Variants in DCC observed in about 807,000 individuals in gnomAD.
DCC encodes the protein DCC netrin 1 receptor, also known as netrin receptor DCC.
Under a neutral mutation model 172.5 loss-of-function variants are expected in DCC, and 58 were observed. The observed-to-expected ratio is 0.34, with a 90% CI of 0.27 to 0.42. DCC has a LOEUF of 0.42. DCC is among the 10% of genes least tolerant of loss of function. The pLI is 1.00. For missense variants in DCC, 1,740 were observed against 1,791.0 expected (o/e 0.97, Z 0.51); for synonymous variants, 709 against 644.5 (o/e 1.10, Z -1.52).
chr18:53,187,596 C>T (rs879382508), intron 9 of DCC, among the ~76,000 whole-genome samples: 9 of 151,966 alleles, frequency 5.9e-5, no homozygotes, highest in Non-Finnish European at 1.2e-4. Flanking sequence ...AGTAAAACTC[C>T]CTTTTAAATT....
At chr18:53,446,799 A>G (rs11661305) in intron 22 of DCC, among the ~76,000 whole-genome samples, 67,518 of 151,936 alleles carry the variant, frequency 0.44, 16,793 homozygotes, top group Non-Finnish European at 0.58. Flanking sequence ...CCCATACTAT[A>G]AGAAAGTGCC....
chr18:52,349,870 C>T (rs913256623), intron 1 of DCC, among the ~76,000 whole-genome samples: 14 of 152,134 alleles, frequency 9.2e-5, no homozygotes, highest in African/African-American at 2.7e-4. Flanking sequence ...CTTTAACTCC[C>T]TCTAGTTTGT....
chr18:53,477,051 C>G (rs1261705970), intron 25 of DCC, among the ~76,000 whole-genome samples: 3 of 152,066 alleles, frequency 2.0e-5, no homozygotes, highest in Non-Finnish European at 4.4e-5. Flanking sequence ...ACTCTGTTGC[C>G]CAGCTGCAGT....
chr18:52,918,977 T>C (rs554839189), intron 3 of DCC, among the ~76,000 whole-genome samples: 14 of 152,220 alleles, frequency 9.2e-5, no homozygotes, highest in Non-Finnish European at 1.8e-4. Context: ...TTCTATAGTT[T>C]ATATGAACAG....
intron 3 of DCC, among the ~76,000 whole-genome samples, chr18:52,922,327 T>C (rs1211335530): frequency 6.6e-6 from 1 of 152,154 alleles, no homozygotes; most frequent in Non-Finnish European, 1.5e-5. Context: ...TCCTTTTTAT[T>C]ACACTGTGAT....
intron 26 of DCC, among the ~76,000 whole-genome samples, chr18:53,490,424 T>G (rs1208010641): frequency 2.6e-5 from 4 of 152,208 alleles, no homozygotes; most frequent in Non-Finnish European, 5.9e-5. Flanking sequence ...TTTTATAATA[T>G]TTTCCCAGTT....
chr18:53,094,937 ATCTAC>A (rs1213122881), intron 7 of DCC, among the ~76,000 whole-genome samples: 9 of 152,294 alleles, frequency 5.9e-5, no homozygotes, highest in African/African-American at 2.2e-4. Context: ...AATTTAGATA[ATCTAC>A]TCTAGAACTC....
Position 52,712,376 on chromosome 18 carries a change from G to A in DCC, c.92-39678G>A, listed in dbSNP as rs77592611. Among the ~76,000 whole-genome samples the A allele has an allele frequency of 2.7e-3, 414 of 152,122 alleles. 1 individual carries two copies. The highest frequency in any genetic ancestry group is 4.6e-3 in the Admixed American group (71 of 15,278). Reference sequence around the variant, plus strand: ...TATTATTTGACTTTTACTTGTAATCGTTAGCAACCATTTGTAAAATACCTA... The same window carrying A: ...TATTATTTGACTTTTACTTGTAATCATTAGCAACCATTTGTAAAATACCTA... On this transcript the variant is annotated intron_variant, in intron 1 of 28. Transcript: ENST00000442544.
rs558507301 is a variant in DCC, at chr18:53,230,988, G to T, written c.1911+15391G>T. 5.4e-5 allele frequency among the ~76,000 whole-genome samples: 7 copies of T among 128,550 alleles called. No homozygotes were observed. The East Asian group carries it at 1.4e-3, about 25-fold the overall frequency. 84.3% of individuals were successfully genotyped at this position (128,550 alleles called of 152,430 possible). A position where few individuals can be genotyped will look rare whatever the true frequency, so the allele number is the denominator to read the frequency against. The stretch of plus-strand genomic sequence containing the variant: ...CCTATTATTTTCTTTAATAAAATTG[G>T]TGTTTTTTTTTCTGAGACTATTTTC... On this transcript the variant is annotated intron_variant, in intron 12 of 28. Transcript: ENST00000442544.
chr18:53,215,179 A>G (rs939810089), intron 11 of DCC, among the ~76,000 whole-genome samples: 2 of 152,142 alleles, frequency 1.3e-5, no homozygotes, highest in Non-Finnish European at 2.9e-5. Context: ...AATGCGCAAT[A>G]TCTTAAGCCT....
intron 12 of DCC, among the ~76,000 whole-genome samples, chr18:53,266,054 G>A: frequency 6.6e-6 from 1 of 152,142 alleles, no homozygotes; most frequent in East Asian, 1.9e-4. Context: ...GCCCTTTCCT[G>A]CTCTGGGGTC....
At chr18:52,753,501 G>A (rs1173075258) in intron 2 of DCC, among the ~76,000 whole-genome samples, 1 of 152,188 alleles carries the variant, frequency 6.6e-6, no homozygotes, top group African/African-American at 2.4e-5. Flanking sequence ...TTCATTAAAT[G>A]CTAAACTTTT....
intron 1 of DCC, among the ~76,000 whole-genome samples, chr18:52,462,505 C>G (rs769120011): frequency 1.3e-5 from 2 of 152,116 alleles, no homozygotes; most frequent in Non-Finnish European, 2.9e-5. Flanking sequence ...ATGCTCCTTC[C>G]CCTCATATTG....
chr18:52,615,914 T>A (rs116305824), intron 1 of DCC, among the ~76,000 whole-genome samples: 2,480 of 152,292 alleles, frequency 0.016, 81 homozygotes, highest in African/African-American at 0.057. Context: ...TGCAGATATA[T>A]AAACATATAT....
chr18:52,350,949 C>T (rs1344428990), intron 1 of DCC, among the ~76,000 whole-genome samples: 6 of 152,124 alleles, frequency 3.9e-5, no homozygotes, highest in Non-Finnish European at 8.8e-5. Context: ...GGCAATTTAG[C>T]TTACAGCCCA....
chr18:52,539,056 T>C (rs1484731925), intron 1 of DCC, among the ~76,000 whole-genome samples: 3 of 152,308 alleles, frequency 2.0e-5, no homozygotes, highest in East Asian at 3.9e-4. Flanking sequence ...AGTGATTACA[T>C]GTTAATCAGC....
intron 1 of DCC, among the ~76,000 whole-genome samples, chr18:52,452,035 C>T (rs1161906483): frequency 6.6e-6 from 1 of 152,146 alleles, no homozygotes; most frequent in Non-Finnish European, 1.5e-5. Context: ...TGCTCTGAAT[C>T]AGTCCTTTTC....
At chr18:53,385,751 T>C (rs894441933) in intron 15 of DCC, among the ~76,000 whole-genome samples, 2 of 152,168 alleles carry the variant, frequency 1.3e-5, no homozygotes, top group Non-Finnish European at 2.9e-5. Flanking sequence ...CACACCCACT[T>C]GTATATTAGG....
At chr18:53,391,532 T>A (rs1418791140) in intron 16 of DCC, 123 bp from the exon 17 acceptor site, 3 of 714,640 alleles carry the variant, frequency 4.2e-6, no homozygotes, top group African/African-American at 1.8e-5. Flanking sequence ...CTTCTCATGT[T>A]CCCTTTCATC....
Sources: gnomAD v4.1 joint callset for allele counts (sites outside exome capture counted in the v4.1 genomes callset) on GRCh38, gnomAD v4.1.1 for gene constraint, MANE v1.5 for transcripts, NCBI Gene and HGNC (gene_info 2026-07-23, HGNC 2026-07-21) for gene names.